The following AFG2A variants were observed in gnomAD, a reference collection of about 807,000 sequenced individuals.
AFG2A encodes ATPase family gene 2 protein homolog A.
chr4:123,077,561 G>T, the AFG2A span, among the ~76,000 whole-genome samples: 4 of 152,152 alleles, frequency 2.6e-5, no homozygotes, highest in African/African-American at 7.2e-5. Context: ...CTGTATGTTT[G>T]TATCAGTTCC....
At chr4:122,996,105 T>C in the AFG2A span, among the ~76,000 whole-genome samples, 2 of 152,226 alleles carry the variant, frequency 1.3e-5, no homozygotes, top group Non-Finnish European at 2.9e-5. Context: ...AAATCTGTGC[T>C]CATTAGCCTC....
At chr4:123,069,792 T>C in the AFG2A span, among the ~76,000 whole-genome samples, 2 of 152,196 alleles carry the variant, frequency 1.3e-5, no homozygotes, top group Non-Finnish European at 2.9e-5. Flanking sequence ...ATTACTACAT[T>C]TGAACAACTA....
chr4:123,178,711 T>A, the AFG2A span, among the ~76,000 whole-genome samples: 1 of 152,212 alleles, frequency 6.6e-6, no homozygotes, highest in Non-Finnish European at 1.5e-5. Context: ...TGGGCTGTTT[T>A]TTATAAATTG....
At chr4:123,200,836 C>T in the AFG2A span, among the ~76,000 whole-genome samples, 1 of 152,314 alleles carries the variant, frequency 6.6e-6, no homozygotes, top group East Asian at 1.9e-4. Context: ...TGAGTTTCAG[C>T]ATAATAATAA....
chr4:123,060,806 C>T, the AFG2A span, among the ~76,000 whole-genome samples: 17 of 152,258 alleles, frequency 1.1e-4, no homozygotes, highest in South Asian at 2.1e-4. Flanking sequence ...AATTTCTCCC[C>T]GGGAAATGAG....
the AFG2A span, among the ~76,000 whole-genome samples, chr4:123,025,835 G>A: frequency 1.3e-5 from 2 of 152,224 alleles, no homozygotes; most frequent in Admixed American, 1.3e-4. Context: ...AGAATGTGCT[G>A]CATATCTTGT....
At chr4:123,083,930 C>T in the AFG2A span, among the ~76,000 whole-genome samples, 4 of 152,116 alleles carry the variant, frequency 2.6e-5, no homozygotes, top group African/African-American at 7.2e-5. Flanking sequence ...CACCAGGAAA[C>T]GATCTGGGTT....
chr4:122,986,261 G>A, the AFG2A span, among the ~76,000 whole-genome samples: 19 of 152,258 alleles, frequency 1.2e-4, no homozygotes, highest in South Asian at 1.0e-3. Flanking sequence ...ATTGTTGGAT[G>A]AAATGTTCTG....
the AFG2A span, among the ~76,000 whole-genome samples, chr4:123,018,991 A>C: frequency 6.6e-6 from 1 of 152,100 alleles, no homozygotes; most frequent in Non-Finnish European, 1.5e-5. Flanking sequence ...CAGAACAAAA[A>C]AAAATGAAGA....
At chr4:123,108,105 C>G in the AFG2A span, among the ~76,000 whole-genome samples, 2 of 152,222 alleles carry the variant, frequency 1.3e-5, no homozygotes, top group Admixed American at 1.3e-4. Context: ...GCTTGCAACT[C>G]TAGCCGCACC....
chr4:123,104,315 C>A, the AFG2A span, among the ~76,000 whole-genome samples: 1 of 152,112 alleles, frequency 6.6e-6, no homozygotes, highest in East Asian at 1.9e-4. Context: ...TGTAAGACAG[C>A]AAACCTAATA....
At chr4:123,246,813 TTTC>T in the AFG2A span, among the ~76,000 whole-genome samples, 1 of 152,186 alleles carries the variant, frequency 6.6e-6, no homozygotes, top group Non-Finnish European at 1.5e-5. Context: ...GTGCACTGCT[TTTC>T]TTCTTTGCTT....
At chr4:122,940,817 T>C in the AFG2A span, among the ~76,000 whole-genome samples, 1 of 150,052 alleles carries the variant, frequency 6.7e-6, no homozygotes, top group African/African-American at 2.5e-5. Flanking sequence ...GTATAAGGTG[T>C]AAGGAAGGGA....
the AFG2A span, among the ~76,000 whole-genome samples, chr4:123,079,570 A>G: frequency 2.6e-5 from 4 of 151,976 alleles, no homozygotes; most frequent in Non-Finnish European, 5.9e-5. Context: ...AAATTAGAAG[A>G]ATTCTGTTTT....
the AFG2A span, among the ~76,000 whole-genome samples, chr4:122,997,574 G>T: frequency 6.6e-6 from 1 of 151,980 alleles, no homozygotes; most frequent in African/African-American, 2.4e-5. Flanking sequence ...CTACTTTTTG[G>T]CTATTATGAT....
At chr4:123,007,642 A>ACC in the AFG2A span, among the ~76,000 whole-genome samples, 2 of 25,510 alleles carry the variant, frequency 7.8e-5, no homozygotes, top group Non-Finnish European at 1.0e-4. Context: ...ACACACACAC[A>ACC]ACACACACAC....
chr4:123,023,293 G>A, the AFG2A span, among the ~76,000 whole-genome samples: 1 of 152,080 alleles, frequency 6.6e-6, no homozygotes, highest in Non-Finnish European at 1.5e-5. Flanking sequence ...GGGTTCAACT[G>A]TAATCCAAAC....
chr4:123,025,460 G>C, the AFG2A span, among the ~76,000 whole-genome samples: 1 of 152,114 alleles, frequency 6.6e-6, no homozygotes, highest in Non-Finnish European at 1.5e-5. Flanking sequence ...TTGAATCTCC[G>C]ATTAACACAT....
chr4:123,297,591 C>A, the AFG2A span, among the ~76,000 whole-genome samples: 1 of 151,914 alleles, frequency 6.6e-6, no homozygotes. Context: ...TGGTGGCGGG[C>A]GCCTGTAGTC....
Sources: gnomAD v4.1 joint callset for allele counts (sites outside exome capture counted in the v4.1 genomes callset) on GRCh38, gnomAD v4.1.1 for gene constraint, MANE v1.5 for transcripts, NCBI Gene and HGNC (gene_info 2026-07-23, HGNC 2026-07-21) for gene names.